RBFOX1: variants seen among roughly 807,000 people sequenced by gnomAD.
RBFOX1 encodes RNA binding protein fox-1 homolog 1.
RBFOX1 carries 8 observed loss-of-function variants against 57.7 expected under a neutral mutation model. That is an observed-to-expected ratio of 0.14 (90% CI 0.08 to 0.25). The LOEUF is 0.25. Among genes scored for constraint, RBFOX1 ranks in the 10% least tolerant of loss-of-function variants. RBFOX1 has a pLI of 1.00. For missense variants in RBFOX1, 611 were observed against 548.5 expected (o/e 1.11, Z -1.14); for synonymous variants, 326 against 222.4 (o/e 1.47, Z -4.15).
At position 6,978,293 on chromosome 16, in the gene RBFOX1, T is replaced by C. The variant is rs191493654; in HGVS notation, c.-15-73764T>C. On this transcript the variant is annotated intron_variant, in intron 3 of 15. Transcript: ENST00000550418. ...ATAGATGTTCTGAATGTCTTTATTGTGGTACTATGCAAGAAATTGGGATTC... is the reference window on the plus strand; with the variant it reads ...ATAGATGTTCTGAATGTCTTTATTGCGGTACTATGCAAGAAATTGGGATTC... Among the ~76,000 whole-genome samples the C allele has an allele frequency of 2.5e-4, 38 of 152,340 alleles. 1 individual carries two copies. The East Asian group carries it at 6.9e-3, about 28-fold the overall frequency.
At chr16:7,400,192 G>A (rs1010041451) in intron 4 of RBFOX1, among the ~76,000 whole-genome samples, 7 of 152,126 alleles carry the variant, frequency 4.6e-5, no homozygotes, top group African/African-American at 1.7e-4. Context: ...CTCAAATTTT[G>A]TCATGCATAA....
At chr16:6,310,183 G>T (rs940845389) in intron 1 of RBFOX1, among the ~76,000 whole-genome samples, 1 of 152,220 alleles carries the variant, frequency 6.6e-6, no homozygotes, top group Non-Finnish European at 1.5e-5. Context: ...ACCACACCCA[G>T]CCGCTTATTG....
chr16:7,345,752 C>T (rs1180124043), intron 4 of RBFOX1, among the ~76,000 whole-genome samples: 2 of 152,174 alleles, frequency 1.3e-5, no homozygotes, highest in African/African-American at 4.8e-5. Flanking sequence ...CTTATCTGTC[C>T]AAACAGTTGT....
chr16:6,625,270 A>G lies in RBFOX1; in HGVS notation c.-63-29333A>G, dbSNP rs553490474. On this transcript the variant is annotated intron_variant, in intron 2 of 15. Transcript: ENST00000550418. ...TTTAATTGCAGTTGAGTTAAGTGCT[A>G]AAGTGAGAAGGACACAGAATAGAGT... 2.0e-5 allele frequency among the ~76,000 whole-genome samples: 3 copies of G among 152,102 alleles called. No individual in the cohort carries two copies. In the South Asian group the frequency reaches 6.2e-4, roughly 32 times the overall value.
intron 3 of RBFOX1, 138 bp from the exon 4 acceptor site, chr16:7,051,919 A>T: frequency 7.4e-7 from 1 of 1,346,380 alleles, no homozygotes; most frequent in East Asian, 2.6e-5. Flanking sequence ...ATGTAGACCT[A>T]AAGAAAAATT....
At chr16:5,881,000 C>G (rs753354606) in intron 4 of RBFOX1, among the ~76,000 whole-genome samples, 2 of 152,138 alleles carry the variant, frequency 1.3e-5, no homozygotes, top group Non-Finnish European at 2.9e-5. Flanking sequence ...TGTGATTTCT[C>G]TTGGTGACAA....
At chr16:7,675,516 G>A (rs1447599292) in intron 13 of RBFOX1, among the ~76,000 whole-genome samples, 12 of 152,158 alleles carry the variant, frequency 7.9e-5, no homozygotes, top group Middle Eastern at 6.8e-3. Flanking sequence ...AGATAAACTC[G>A]TTTCTTTGAA....
chr16:6,818,912 G>T (rs2090705271), intron 3 of RBFOX1, among the ~76,000 whole-genome samples: 1 of 152,040 alleles, frequency 6.6e-6, no homozygotes, highest in Non-Finnish European at 1.5e-5. Context: ...ATTTCCTCTG[G>T]GCATGCTGAA....
chr16:6,443,127 C>T (rs2094419536), intron 2 of RBFOX1, among the ~76,000 whole-genome samples: 1 of 152,118 alleles, frequency 6.6e-6, no homozygotes, highest in Non-Finnish European at 1.5e-5. Context: ...ACACCTACTG[C>T]CTGTTTTTCA....
chr16:6,979,603 C>G (rs186957649), intron 3 of RBFOX1, among the ~76,000 whole-genome samples: 6 of 152,260 alleles, frequency 3.9e-5, no homozygotes, highest in African/African-American at 1.4e-4. Context: ...GGGTGTGACT[C>G]TTTCATTCAC....
At chr16:6,928,334 G>C (rs895663791) in intron 3 of RBFOX1, among the ~76,000 whole-genome samples, 3 of 152,164 alleles carry the variant, frequency 2.0e-5, no homozygotes, top group Non-Finnish European at 4.4e-5. Context: ...AGGAAGACGG[G>C]GCGGGGAAAG....
chr16:7,484,200 C>A (rs1022081271), intron 4 of RBFOX1, among the ~76,000 whole-genome samples: 1 of 152,110 alleles, frequency 6.6e-6, no homozygotes, highest in African/African-American at 2.4e-5. Flanking sequence ...TGGTACGTCA[C>A]GGTAGGAATA....
chr16:6,482,678 G>T (rs146380276), intron 2 of RBFOX1, among the ~76,000 whole-genome samples: 168 of 152,210 alleles, frequency 1.1e-3, no homozygotes, highest in Middle Eastern at 6.8e-3. Flanking sequence ...CTAAAGCTTC[G>T]CTCCTAAATA....
At chr16:5,954,665 A>G (rs1444322212) in intron 4 of RBFOX1, among the ~76,000 whole-genome samples, 1 of 152,096 alleles carries the variant, frequency 6.6e-6, no homozygotes, top group Non-Finnish European at 1.5e-5. Flanking sequence ...CAGAGCAGTC[A>G]GTAATCACCC....
At chr16:5,814,580 G>A (rs138154475) in intron 3 of RBFOX1, among the ~76,000 whole-genome samples, 2 of 152,288 alleles carry the variant, frequency 1.3e-5, no homozygotes, top group East Asian at 3.9e-4. Context: ...AGTAGTCAGC[G>A]GTAGAGAGCC....
At position 5,624,175 on chromosome 16, in the gene RBFOX1, C is replaced by T. The variant is rs75567495; in HGVS notation, c.318+25214C>T. On this transcript the variant is annotated intron_variant, in intron 3 of 19. Transcript: ENST00000641259. Reference sequence around the variant, plus strand: ...TTTCAAAGAGTCCCTAAAAATAAGGCCTTTTAGTGACTCTCCTGCTACCCA... The same window carrying T: ...TTTCAAAGAGTCCCTAAAAATAAGGTCTTTTAGTGACTCTCCTGCTACCCA... 5.6e-3 allele frequency among the ~76,000 whole-genome samples: 848 copies of T among 152,276 alleles called. 31 individuals are homozygous for T. In the East Asian group the frequency reaches 0.12, roughly 22 times the overall value.
intron 4 of RBFOX1, among the ~76,000 whole-genome samples, chr16:5,885,967 C>T (rs909313711): frequency 6.6e-6 from 1 of 152,140 alleles, no homozygotes; most frequent in Non-Finnish European, 1.5e-5. Context: ...GTGGATTTCT[C>T]TGTTGCCACT....
chr16:5,533,590 C>T (rs2044573989), intron 2 of RBFOX1, among the ~76,000 whole-genome samples: 2 of 152,160 alleles, frequency 1.3e-5, no homozygotes, highest in Admixed American at 1.3e-4. Flanking sequence ...CCCTCCTGGG[C>T]CCCAGTAGAC....
At chr16:5,569,143 C>T (rs895856653) in intron 2 of RBFOX1, among the ~76,000 whole-genome samples, 1 of 152,104 alleles carries the variant, frequency 6.6e-6, no homozygotes, top group African/African-American at 2.4e-5. Context: ...AGCCACCATG[C>T]CCGGCTGACA....
Sources: allele counts gnomAD v4.1 joint callset (sites outside exome capture counted in the v4.1 genomes callset), GRCh38; gene constraint gnomAD v4.1.1; transcripts MANE v1.5; gene names NCBI Gene and HGNC (gene_info 2026-07-23, HGNC 2026-07-21).